The following GJB6 variants were observed in gnomAD, a reference collection of about 807,000 sequenced individuals.
GJB6 encodes gap junction beta-6 protein.
In GJB6, 5 loss-of-function variants were observed where a neutral mutation model predicts 5.4. The ratio of observed to expected loss-of-function variants is 0.92; its 90% CI spans 0.48 to 1.93. GJB6 has a LOEUF of 1.93. Ranked by LOEUF, GJB6 falls within the 30% of genes most tolerant of loss-of-function variation. The pLI, the probability that GJB6 is intolerant of heterozygous loss-of-function variation, is 0.01. For synonymous variants in GJB6, 136 were observed against 129.6 expected (o/e 1.05, Z -0.34); for missense variants, 298 against 326.9 (o/e 0.91, Z 0.68).
chr13:20,226,642 G>A (rs1869598441), intron 4 of GJB6, among the ~76,000 whole-genome samples: 2 of 152,210 alleles, frequency 1.3e-5, no homozygotes, highest in South Asian at 4.1e-4. Flanking sequence ...ATTTCAAAAT[G>A]TGACCAGTGA....
Position 20,223,128 on chromosome 13 carries a change from A to ATGTCTT in GJB6, c.347_352dup (p.Lys116_Asp117dup), listed in dbSNP as rs1242922499. On this transcript the variant is annotated inframe_insertion, in exon 5 of 5. Coordinates refer to ENST00000647029, the MANE Select transcript of GJB6 (RefSeq NM_001110219.3). ...AACCTTCTGCTTTTTAATGTCCTCT[A>ATGTCTT]TGTCTTTGAAATCATTCCTCTTCTC... The ATGTCTT allele has an allele frequency of 6.2e-7, 1 of 1,613,832 alleles. No homozygotes were observed. Among genetic ancestry groups the ATGTCTT allele is most frequent in the Non-Finnish European group, 8.5e-7 (1 of 1,179,876 alleles).
At chr13:20,227,429 T>C (rs1869668984) in intron 4 of GJB6, among the ~76,000 whole-genome samples, 1 of 152,108 alleles carries the variant, frequency 6.6e-6, no homozygotes, top group African/African-American at 2.4e-5. Flanking sequence ...AGTCTCCTGG[T>C]TCAGAGTGTC....
Position 20,230,674 on chromosome 13 carries a change from A to G in GJB6, c.-186+24T>C, listed in dbSNP as rs917608577. On this transcript the variant is annotated intron_variant, in intron 3 of 4. Transcript: ENST00000647029. ...TTTATCCCATTTAACATTTAAACTA[A>G]TATATGCAAACTGCTCACAGCACCT... 2.0e-5 allele frequency: 3 copies of G among 152,230 alleles called. No homozygotes were observed. The East Asian group carries it at 5.8e-4, about 29-fold the overall frequency. 9.4% of individuals were successfully genotyped at this position (152,230 alleles called of 1,614,324 possible).
At chr13:20,232,155 T>C (rs1870127873) in intron 1 of GJB6, 39 bp downstream of exon 1, 1 of 152,084 alleles carries the variant, frequency 6.6e-6, no homozygotes, top group African/African-American at 2.4e-5. Context: ...CACCGCCCGC[T>C]CGCCCCCCGC....
rs1869248739 is a variant in GJB6, at chr13:20,222,639, C to T, written c.*56G>A. The T allele has an allele frequency of 6.7e-7, 1 of 1,494,454 alleles. No individual in the cohort carries two copies. Among genetic ancestry groups the T allele is most frequent in the Non-Finnish European group, 9.3e-7 (1 of 1,071,018 alleles). The allele number at this position is 1,494,454 out of a possible 1,614,324, so 92.6% of individuals were successfully genotyped here. A position where few individuals can be genotyped will look rare whatever the true frequency, so the allele number is the denominator to read the frequency against. On this transcript the variant is annotated 3_prime_UTR_variant, in exon 5 of 5. Transcript: ENST00000647029. ...GAAGGAACTTTCAGGTTGGTATTGC[C>T]TTCTGGAGAAGACAGAAGTCTCCTT... is the stretch of plus-strand genomic sequence containing the variant.
intron 4 of GJB6, among the ~76,000 whole-genome samples, chr13:20,226,159 T>C (rs1190722809): frequency 6.6e-6 from 1 of 151,832 alleles, no homozygotes; most frequent in Non-Finnish European, 1.5e-5. Flanking sequence ...GAACAAACAC[T>C]AGCTTGAGGA....
Position 20,223,355 on chromosome 13 carries a change from T to A in GJB6, c.126A>T (p.Glu42Asp). 1 of 1,614,018 alleles carries A rather than the reference T, an allele frequency of 6.2e-7. No individual in the cohort carries two copies. The highest frequency in any genetic ancestry group is 2.2e-5 in the East Asian group (1 of 44,896). ...AGTCCTCTTGCTCGTCACCCCACAC[T>A]TCCTGGGCAGCCACCACGAGGATCA... ...RVMILVVAAQ[E>D]VWGDEQEDFV... is the part of the protein sequence containing the mutation. The change falls in exon 5 of 5, where the codon GAA becomes GAT. Residue 42 changes from glutamate to aspartate, a missense_variant. Coordinates refer to ENST00000647029, the MANE Select transcript of GJB6 (RefSeq NM_001110219.3).
At chr13:20,228,609 T>C (rs548282637) in intron 4 of GJB6, among the ~76,000 whole-genome samples, 14,891 of 149,162 alleles carry the variant, frequency 0.1, 815 homozygotes, top group African/African-American at 0.12. Context: ...TCAGCCTCTC[T>C]GAGCAGCTGG....
chr13:20,228,745 A>G (rs1176644090), intron 4 of GJB6, among the ~76,000 whole-genome samples: 3 of 151,722 alleles, frequency 2.0e-5, no homozygotes, highest in Non-Finnish European at 4.4e-5. Context: ...TGGCCTCCCA[A>G]AGTGCTGGGA....
intron 4 of GJB6, among the ~76,000 whole-genome samples, chr13:20,228,633 T>C (rs7320889): frequency 0.92 from 138,489 of 150,042 alleles, 64,271 homozygotes; most frequent in Non-Finnish European, 0.98. Context: ...TACAGGCGCC[T>C]GCCACCAAGC....
At chr13:20,228,223 C>T (rs1037300616) in intron 4 of GJB6, among the ~76,000 whole-genome samples, 7 of 152,182 alleles carry the variant, frequency 4.6e-5, no homozygotes, top group Non-Finnish European at 5.9e-5. Flanking sequence ...AGGGCTGGAG[C>T]CAATGGGAGG....
chr13:20,223,248 G>A lies in GJB6; in HGVS notation c.233C>T (p.Ala78Val). 1 of 1,611,050 alleles carries A rather than the reference G, an allele frequency of 6.2e-7. No individual in the cohort carries two copies. Among genetic ancestry groups the A allele is most frequent in the African/African-American group, 1.3e-5 (1 of 74,972 alleles). The change falls in exon 5 of 5, where the codon GCC becomes GTC. Residue 78 changes from alanine to valine, a missense_variant. Ala to Val is a moderately conservative substitution (Grantham distance 64, BLOSUM62 0). Coordinates refer to ENST00000647029, the MANE Select transcript of GJB6 (RefSeq NM_001110219.3). ...FFPVSHIRLW[A>V]LQLIFVSTPA... is the part of the protein sequence containing the mutation. ...GGTGGAGACGAAGATCAGCTGGAGG[G>A]CCCACAGCCGGATGTGGGACACCGG...
chr13:20,222,981 A>G lies in GJB6; in HGVS notation c.500T>C (p.Leu167Ser). ...GGGGCAGGGGTCAATCCCACATTTC[A>G]ACACCCAGGGCAGGTGGTACCCATT... ...LYNGYHLPWV[L>S]KCGIDPCPNL... Residue 167 changes from leucine (L) to serine (S), a missense_variant, in exon 5 of 5, where the codon TTG becomes TCG. Transcript: ENST00000647029. The G allele has an allele frequency of 2.5e-6, 4 of 1,614,170 alleles. No individual in the cohort carries two copies. Among genetic ancestry groups the G allele is most frequent in the Non-Finnish European group, 3.4e-6 (4 of 1,180,016 alleles).
chr13:20,232,040 G>C (rs1235941213), intron 1 of GJB6, 154 bp downstream of exon 1: 1 of 152,320 alleles, frequency 6.6e-6, no homozygotes, highest in Non-Finnish European at 1.5e-5. Context: ...TGCCGGCTCT[G>C]ATCCGGTGCC....
Position 20,223,149 on chromosome 13 carries a change from T to G in GJB6, c.332A>C (p.Lys111Thr), listed in dbSNP as rs1344004374. ...ETTRKFRRGE[K>T]RNDFKDIEDI... ...CTCTATGTCTTTGAAATCATTCCTC[T>G]TCTCTCCTCGCCTGAACTTGCGAGT... is the stretch of plus-strand genomic sequence containing the variant. Residue 111 changes from lysine to threonine, a missense_variant, in exon 5 of 5, where the codon AAG (lysine) becomes ACG (threonine). Lys to Thr is a moderately conservative substitution (Grantham distance 78, BLOSUM62 -1). Coordinates refer to ENST00000647029, the MANE Select transcript of GJB6 (RefSeq NM_001110219.3). 1.9e-6 allele frequency: 3 copies of G among 1,613,964 alleles called. No individual in the cohort carries two copies. The highest frequency in any genetic ancestry group is 2.5e-6 in the Non-Finnish European group (3 of 1,179,924).
At chr13:20,228,343 G>C (rs1200333500) in intron 4 of GJB6, among the ~76,000 whole-genome samples, 1 of 152,186 alleles carries the variant, frequency 6.6e-6, no homozygotes, top group African/African-American at 2.4e-5. Context: ...GATACGCTTA[G>C]CTTCTGCAGT....
Position 20,223,067 on chromosome 13 carries a change from G to T in GJB6, c.414C>A (p.Ser138Arg). Residue 138 changes from serine to arginine, a missense_variant, in exon 5 of 5, where the codon AGC becomes AGA. Physicochemically the swap from Ser to Arg is moderately radical, Grantham distance 110. Transcript: ENST00000647029. ...IEGSLWWTYT[S>R]SIFFRIIFEA... ...CAAAGATGATTCGGAAAAAGATGCT[G>T]CTGGTGTACGTCCACCACAGCGACC... is the stretch of plus-strand genomic sequence containing the variant. 1 of 1,613,580 alleles carries T rather than the reference G, an allele frequency of 6.2e-7. No individual in the cohort carries two copies. Among genetic ancestry groups the T allele is most frequent in the South Asian group, 1.1e-5 (1 of 91,082 alleles).
At position 20,225,391 on chromosome 13, in the gene GJB6, C is replaced by G. The variant is rs56216347; in HGVS notation, c.-15-1896G>C. 2.0e-5 allele frequency: 3 copies of G among 152,260 alleles called. No individual in the cohort carries two copies. The South Asian group carries it at 6.2e-4, about 32-fold the overall frequency. 9.4% of individuals were successfully genotyped at this position (152,260 alleles called of 1,614,324 possible). A position where few individuals can be genotyped will look rare whatever the true frequency, so the allele number is the denominator to read the frequency against. ...TTTTGGAGGCTGAATACTATTCCAC[C>G]GTATGGATGCTCCCCATTTTGTTTA... is the stretch of plus-strand genomic sequence containing the variant. On this transcript the variant is annotated intron_variant, in intron 4 of 4. Transcript: ENST00000647029.
intron 4 of GJB6, among the ~76,000 whole-genome samples, chr13:20,227,773 C>T (rs947028425): frequency 6.6e-6 from 1 of 152,206 alleles, no homozygotes; most frequent in African/African-American, 2.4e-5. Context: ...TATCAAGCCC[C>T]CAAATTTCCA....
Sources: allele counts gnomAD v4.1 joint callset (sites outside exome capture counted in the v4.1 genomes callset), GRCh38; gene constraint gnomAD v4.1.1; transcripts MANE v1.5; gene names NCBI Gene and HGNC (gene_info 2026-07-23, HGNC 2026-07-21).